SHB: variants seen among roughly 807,000 people sequenced by gnomAD.
SHB encodes SH2 domain containing adaptor protein B.
In SHB, 20 loss-of-function variants were observed where a neutral mutation model predicts 52.3. The ratio of observed to expected loss-of-function variants is 0.38; its 90% confidence interval spans 0.27 to 0.56. The LOEUF (loss-of-function observed/expected upper bound fraction) is 0.56. SHB is among the 20% of genes least tolerant of loss of function. The probability of loss-of-function intolerance (pLI) is 0.71; values close to 1 mark genes in which losing one functional copy is unlikely to be tolerated. For synonymous variants in SHB, 397 were observed against 316.5 expected (o/e 1.25, Z -2.70); for missense variants, 825 against 723.3 (o/e 1.14, Z -1.61).
intron 5 of SHB, among the ~76,000 whole-genome samples, chr9:37,942,860 C>T (rs1246204728): frequency 1.3e-5 from 2 of 151,998 alleles, no homozygotes; most frequent in Non-Finnish European, 2.9e-5. Flanking sequence ...AGCTCTCGGT[C>T]TGTGCCAGTT....
intron 1 of SHB, among the ~76,000 whole-genome samples, chr9:38,024,579 C>A (rs1821319178): frequency 6.6e-6 from 1 of 152,232 alleles, no homozygotes; most frequent in African/African-American, 2.4e-5. Context: ...CCAGCTTCAC[C>A]CCCTCAGAGT....
intron 5 of SHB, among the ~76,000 whole-genome samples, chr9:37,923,590 A>G (rs1832209518): frequency 6.6e-6 from 1 of 152,222 alleles, no homozygotes; most frequent in Admixed American, 6.5e-5. Context: ...GGGAGATGCC[A>G]TCTAACAGTT....
intron 5 of SHB, among the ~76,000 whole-genome samples, chr9:37,934,049 C>G (rs1208622521): frequency 1.3e-5 from 2 of 152,202 alleles, no homozygotes; most frequent in Non-Finnish European, 2.9e-5. Context: ...GAGTCAGCAA[C>G]TAAACAGGGT....
At chr9:37,982,931 G>A (rs1035895849) in intron 2 of SHB, among the ~76,000 whole-genome samples, 5 of 151,662 alleles carry the variant, frequency 3.3e-5, no homozygotes, top group East Asian at 1.9e-4. Context: ...GGGTTTGCTC[G>A]CTGGAAAACT....
At position 37,991,491 on chromosome 9, in the gene SHB, T is replaced by C. The variant is rs760786974; in HGVS notation, c.839-16654A>G. ...AATTAAGTTTGGAACAAATTATGTATTGGTTTTCAACTCCAAGATGTACAT... is the reference window on the plus strand; with the variant it reads ...AATTAAGTTTGGAACAAATTATGTACTGGTTTTCAACTCCAAGATGTACAT... On this transcript the variant is annotated intron_variant, in intron 2 of 5. Coordinates refer to ENST00000377707, the MANE Select transcript of SHB (RefSeq NM_003028.3). Among the ~76,000 whole-genome samples, 8 of 152,238 alleles carry C rather than the reference T, an allele frequency of 5.3e-5. 1 individual carries two copies. The highest frequency in any genetic ancestry group is 1.0e-4 in the Non-Finnish European group (7 of 68,054).
intron 5 of SHB, among the ~76,000 whole-genome samples, chr9:37,945,281 G>A (rs985280635): frequency 2.0e-5 from 3 of 152,200 alleles, no homozygotes; most frequent in Non-Finnish European, 4.4e-5. Flanking sequence ...GAGAGATCAG[G>A]CCCCTCACTT....
At chr9:38,004,822 G>C (rs1821059610) in intron 2 of SHB, among the ~76,000 whole-genome samples, 4 of 152,250 alleles carry the variant, frequency 2.6e-5, no homozygotes, top group Admixed American at 2.6e-4. Flanking sequence ...GCAAGTGAGA[G>C]ATCAGCTGAG....
At chr9:37,922,871 C>T (rs542956561) in intron 5 of SHB, among the ~76,000 whole-genome samples, 2 of 152,170 alleles carry the variant, frequency 1.3e-5, no homozygotes, top group Admixed American at 1.3e-4. Flanking sequence ...GTACTTCCAG[C>T]CCTAGATCCT....
At chr9:38,062,832 A>G (rs906005387) in intron 1 of SHB, among the ~76,000 whole-genome samples, 1 of 152,228 alleles carries the variant, frequency 6.6e-6, no homozygotes, top group Non-Finnish European at 1.5e-5. Context: ...TTTTATTGGG[A>G]TACAGCTGTT....
At chr9:38,063,515 C>T (rs1352111182) in intron 1 of SHB, among the ~76,000 whole-genome samples, 1 of 152,248 alleles carries the variant, frequency 6.6e-6, no homozygotes, top group Non-Finnish European at 1.5e-5. Context: ...CTTGGGAATT[C>T]CCACTCAGCC....
chr9:37,988,687 C>T (rs1430053779), intron 2 of SHB, among the ~76,000 whole-genome samples: 1 of 152,096 alleles, frequency 6.6e-6, no homozygotes, highest in Admixed American at 6.5e-5. Context: ...CCAGATAGTT[C>T]GTCAAATATT....
intron 2 of SHB, among the ~76,000 whole-genome samples, chr9:38,015,732 T>G (rs3802412): frequency 0.43 from 65,462 of 152,090 alleles, 14,435 homozygotes; most frequent in Middle Eastern, 0.51. Flanking sequence ...TTCTCCCTCC[T>G]CTCCCCACTT....
intron 5 of SHB, among the ~76,000 whole-genome samples, chr9:37,937,790 C>T (rs754429230): frequency 3.0e-4 from 45 of 152,326 alleles, no homozygotes; most frequent in Admixed American, 7.2e-4. Context: ...ACAGTGCTTA[C>T]GGGGCTCCAA....
intron 5 of SHB, among the ~76,000 whole-genome samples, chr9:37,923,809 G>A (rs1832212309): frequency 6.6e-6 from 1 of 152,186 alleles, no homozygotes; most frequent in Non-Finnish European, 1.5e-5. Flanking sequence ...TACCGTGGAG[G>A]AAACTGAGGC....
chr9:37,982,274 C>T (rs1053629708), intron 2 of SHB, among the ~76,000 whole-genome samples: 1 of 151,914 alleles, frequency 6.6e-6, no homozygotes, highest in African/African-American at 2.4e-5. Flanking sequence ...GGGTGGATCA[C>T]CTGAGGACAG....
chr9:37,982,980 C>G (rs867439013), intron 2 of SHB, among the ~76,000 whole-genome samples: 10 of 150,008 alleles, frequency 6.7e-5, no homozygotes, highest in African/African-American at 2.0e-4. Flanking sequence ...GGTGCCCCCC[C>G]CTCCATCTTT....
intron 3 of SHB, among the ~76,000 whole-genome samples, chr9:37,957,165 G>T (rs1251072732): frequency 6.6e-6 from 1 of 152,192 alleles, no homozygotes; most frequent in African/African-American, 2.4e-5. Context: ...GCCTGCAGAG[G>T]AAGGTTCCTG....
chr9:38,005,800 G>A (rs75378720), intron 2 of SHB, among the ~76,000 whole-genome samples: 885 of 152,264 alleles, frequency 5.8e-3, no homozygotes, highest in Non-Finnish European at 0.01. Context: ...TCAGGCTTCT[G>A]AAAGGCAGGA....
At chr9:37,980,711 T>C (rs531303591) in intron 2 of SHB, among the ~76,000 whole-genome samples, 37 of 152,330 alleles carry the variant, frequency 2.4e-4, no homozygotes, top group East Asian at 3.9e-4. Context: ...TATAGCCTTA[T>C]GAGATGTATT....
Sources: allele counts gnomAD v4.1 joint callset (sites outside exome capture counted in the v4.1 genomes callset), GRCh38; gene constraint gnomAD v4.1.1; transcripts MANE v1.5; gene names NCBI Gene and HGNC (gene_info 2026-07-23, HGNC 2026-07-21).